Variants in NAA15 observed in about 807,000 individuals in gnomAD.
NAA15 encodes the protein N-alpha-acetyltransferase 15, NatA auxiliary subunit, also known as N-terminal acetyltransferase.
A neutral mutation model predicts 114.0 loss-of-function variants in NAA15; 34 were observed. The ratio of observed to expected loss-of-function variants is 0.30; its 90% CI spans 0.23 to 0.40. NAA15 has a LOEUF of 0.40. NAA15 is among the 10% of genes least tolerant of loss of function. NAA15 has a pLI of 1.00. For missense variants in NAA15, 658 were observed against 1,004.5 expected (o/e 0.66, Z 4.66); for synonymous variants, 340 against 338.0 (o/e 1.01, Z -0.06).
chr4:139,306,577 G>GT (rs541184787), intron 1 of NAA15, among the ~76,000 whole-genome samples: 2,388 of 137,672 alleles, frequency 0.017, 30 homozygotes, highest in South Asian at 0.05. Flanking sequence ...CCAGAAGCTG[G>GT]TTTTTTTTTT....
intron 18 of NAA15, 46 bp from the exon 19 acceptor site, chr4:139,386,087 T>G (rs1192384892): frequency 1.0e-6 from 1 of 980,600 alleles, no homozygotes; most frequent in Non-Finnish European, 1.6e-6. Context: ...GAGGATAAGA[T>G]GTTGGTTTTA....
At chr4:139,367,969 C>T (rs1340492518) in intron 14 of NAA15, among the ~76,000 whole-genome samples, 3 of 151,314 alleles carry the variant, frequency 2.0e-5, no homozygotes, top group African/African-American at 7.3e-5. Context: ...CATCTGCAGC[C>T]TCCTCAAAGT....
chr4:139,335,808 G>A (rs1034602461), intron 2 of NAA15, among the ~76,000 whole-genome samples: 4 of 150,726 alleles, frequency 2.7e-5, no homozygotes, highest in African/African-American at 7.3e-5. Context: ...TGCCCAGGCT[G>A]GAGTGCAATG....
At chr4:139,369,018 G>T (rs551138608) in intron 14 of NAA15, among the ~76,000 whole-genome samples, 1 of 152,132 alleles carries the variant, frequency 6.6e-6, no homozygotes, top group Non-Finnish European at 1.5e-5. Flanking sequence ...ATTTACTATA[G>T]AGTTATTCAT....
intron 17 of NAA15, among the ~76,000 whole-genome samples, chr4:139,382,481 A>G (rs1033673121): frequency 1.3e-5 from 2 of 152,166 alleles, no homozygotes; most frequent in Admixed American, 6.5e-5. Flanking sequence ...TTCATCAACT[A>G]TGATACAAAC....
chr4:139,316,465 C>G (rs989897348), intron 1 of NAA15, among the ~76,000 whole-genome samples: 1 of 151,602 alleles, frequency 6.6e-6, no homozygotes, highest in African/African-American at 2.4e-5. Context: ...TTACAAGTTC[C>G]TGTTATTTGT....
intron 15 of NAA15, among the ~76,000 whole-genome samples, chr4:139,376,073 A>G (rs904117746): frequency 1.3e-5 from 2 of 152,022 alleles, no homozygotes; most frequent in Admixed American, 6.5e-5. Context: ...CCCCTTGGCT[A>G]TCTGACCTGT....
Position 139,355,469 on chromosome 4 carries a change from A to G in NAA15, c.1087+1371A>G, listed in dbSNP as rs115772191. On this transcript the variant is annotated intron_variant, in intron 10 of 19. Coordinates refer to ENST00000296543, the MANE Select transcript of NAA15 (RefSeq NM_057175.5). The stretch of plus-strand genomic sequence containing the variant: ...CTGTACCCCATGTGTTGCTTAACAC[A>G]TTATTCCTTGCTCTCTGAATTTCCT... Among the ~76,000 whole-genome samples, 3 of 151,930 alleles carry G rather than the reference A, an allele frequency of 2.0e-5. No homozygotes were observed. In the South Asian group the frequency reaches 6.2e-4, roughly 32 times the overall value.
chr4:139,323,053 C>CTTTTTT (rs67137305), intron 1 of NAA15, among the ~76,000 whole-genome samples: 21 of 117,464 alleles, frequency 1.8e-4, no homozygotes, highest in Non-Finnish European at 2.6e-4. Context: ...CTTTTCTTTT[C>CTTTTTT]TTTTTTTTTT....
In NAA15 at chr4:139,386,248, ATC is replaced by A. The variant is rs2111010013; in HGVS notation, c.2400+24_2400+25del. The A allele has an allele frequency of 1.4e-6, 2 of 1,416,464 alleles. No homozygotes were observed. The highest frequency in any genetic ancestry group is 2.0e-6 in the Non-Finnish European group (2 of 1,008,634). 87.7% of individuals were successfully genotyped at this position (1,416,464 alleles called of 1,614,324 possible). A position where few individuals can be genotyped will look rare whatever the true frequency, so the allele number is the denominator to read the frequency against. On this transcript the variant is annotated intron_variant, in intron 19 of 19. Transcript: ENST00000296543. ...ACCTCCAGGTAAAGAGTTTTTCATAATCTCTCTGTAAGAATACTTAACTACTT... is the reference window on the plus strand; with the variant it reads ...ACCTCCAGGTAAAGAGTTTTTCATAATCTCTGTAAGAATACTTAACTACTT...
chr4:139,339,751 A>AAAAC (rs1218946770), intron 3 of NAA15, among the ~76,000 whole-genome samples: 1 of 152,120 alleles, frequency 6.6e-6, no homozygotes, highest in East Asian at 1.9e-4. Flanking sequence ...CTCCATCTCA[A>AAAAC]AAACAAACAA....
intron 17 of NAA15, chr4:139,379,085 C>G (rs956171214): frequency 4.6e-5 from 15 of 324,300 alleles, no homozygotes; most frequent in Admixed American, 3.4e-4. Flanking sequence ...TGAGAATCAT[C>G]TTTGTTTCTG....
chr4:139,380,226 G>A (rs1323135211), intron 17 of NAA15, among the ~76,000 whole-genome samples: 1 of 149,784 alleles, frequency 6.7e-6, no homozygotes, highest in Non-Finnish European at 1.5e-5. Flanking sequence ...GAGAATTGCT[G>A]TATTTAGTAG....
At position 139,390,682 on chromosome 4, in the gene NAA15, C is replaced by G. The variant is rs1749037283; in HGVS notation, c.*2598C>G. Reference sequence around the variant, plus strand: ...TTCTCGTTGAAAAACTAAAATCTGACTAGGTTAGTTTACTCAGCTTTAATT... The same window carrying G: ...TTCTCGTTGAAAAACTAAAATCTGAGTAGGTTAGTTTACTCAGCTTTAATT... On this transcript the variant is annotated 3_prime_UTR_variant, in exon 20 of 20. Coordinates refer to ENST00000296543, the MANE Select transcript of NAA15 (RefSeq NM_057175.5). The G allele has an allele frequency of 6.6e-6, 1 of 152,320 alleles. No homozygotes were observed. The highest frequency in any genetic ancestry group is 2.4e-5 in the African/African-American group (1 of 41,404). The allele number at this position is 152,320 out of a possible 1,614,324, so 9.4% of individuals were successfully genotyped here.
intron 14 of NAA15, among the ~76,000 whole-genome samples, chr4:139,364,642 T>C (rs1313251556): frequency 6.6e-6 from 1 of 152,254 alleles, no homozygotes; most frequent in Non-Finnish European, 1.5e-5. Context: ...AAAGATATGA[T>C]TAAAACTACA....
At chr4:139,379,113 G>A (rs1748671591) in intron 17 of NAA15, 1 of 277,562 alleles carries the variant, frequency 3.6e-6, no homozygotes, top group Non-Finnish European at 6.6e-6. Context: ...AAAGTTACAT[G>A]TAAGTTGAAA....
At chr4:139,374,088 G>A (rs1748516566) in intron 15 of NAA15, among the ~76,000 whole-genome samples, 1 of 152,060 alleles carries the variant, frequency 6.6e-6, no homozygotes, top group South Asian at 2.1e-4. Context: ...TTAAAAAGTT[G>A]TATCATTTTA....
At chr4:139,314,993 C>CAGTTTAGTTT (rs1177329024) in intron 1 of NAA15, among the ~76,000 whole-genome samples, 1 of 17,420 alleles carries the variant, frequency 5.7e-5, no homozygotes, top group Admixed American at 4.9e-4. Context: ...GCGTTCAGTT[C>CAGTTTAGTTT]AGTTCAGTTT....
At chr4:139,329,756 A>G (rs1746938480) in intron 1 of NAA15, among the ~76,000 whole-genome samples, 2 of 152,350 alleles carry the variant, frequency 1.3e-5, no homozygotes, top group Non-Finnish European at 1.5e-5. Flanking sequence ...ACAGTTTTCA[A>G]CAACAGACAC....
Sources: allele counts gnomAD v4.1 joint callset (sites outside exome capture counted in the v4.1 genomes callset), GRCh38; gene constraint gnomAD v4.1.1; transcripts MANE v1.5; gene names NCBI Gene and HGNC (gene_info 2026-07-23, HGNC 2026-07-21).